Variants in MXI1 observed in about 807,000 individuals in gnomAD.
MXI1 encodes the protein max-interacting protein 1.
MXI1 carries 18 observed loss-of-function variants against 36.9 expected under a neutral mutation model. The observed-to-expected ratio is 0.49, with a 90% CI of 0.34 to 0.72. The LOEUF is 0.72. Ranked by LOEUF, MXI1 falls within the 30% of genes least tolerant of loss-of-function variation. The probability of loss-of-function intolerance (pLI) is 0.01; values close to 1 mark genes in which losing one functional copy is unlikely to be tolerated. For synonymous variants in MXI1, 160 were observed against 146.7 expected, an observed-to-expected ratio of 1.09 and a Z score of -0.65; for missense variants, 304 against 379.1, an observed-to-expected ratio of 0.80 and a Z score of 1.64.
intron 5 of MXI1, among the ~76,000 whole-genome samples, chr10:110,283,264 C>CTTT (rs573643785): frequency 8.3e-5 from 12 of 144,014 alleles, no homozygotes; most frequent in Non-Finnish European, 9.1e-5. Flanking sequence ...CAAGAATCCA[C>CTTT]TTTTTTTTTT....
intron 2 of MXI1, among the ~76,000 whole-genome samples, chr10:110,234,937 GTTATT>G (rs1371615947): frequency 1.3e-5 from 2 of 152,062 alleles, no homozygotes; most frequent in Non-Finnish European, 2.9e-5. Context: ...AGGTGAACTA[GTTATT>G]TTAAATTCTT....
In MXI1 at chr10:110,207,742, G is replaced by C; in HGVS notation, c.-67G>C. The C allele has an allele frequency of 9.4e-7, 1 of 1,061,032 alleles. No homozygotes were observed. The allele number at this position is 1,061,032 out of a possible 1,614,324, so 65.7% of individuals were successfully genotyped here. ...GCTCCAGCCGGCCGGGTCTCCCTGG[G>C]GGCCCGGAGCTCGGCCGGGCCGCGC... On this transcript the variant is annotated 5_prime_UTR_variant, in exon 1 of 6. Transcript: ENST00000332674.
Position 110,228,194 on chromosome 10 carries a change from GAAC to G in MXI1, c.282_284del (p.Glu94_His95delinsAsp). ...TTTTTTCTTGCTTTCTTCAGAGTGT[GAAC>G]ATGGCTACGCCTCTTCATTCCCGTC... On this transcript the variant is annotated inframe_deletion, in exon 2 of 6. Transcript: ENST00000332674. 1 of 1,613,958 alleles carries G rather than the reference GAAC, an allele frequency of 6.2e-7. No individual in the cohort carries two copies. Among genetic ancestry groups the G allele is most frequent in the Non-Finnish European group, 8.5e-7 (1 of 1,179,996 alleles).
At chr10:110,233,117 T>A (rs1275664846) in intron 2 of MXI1, among the ~76,000 whole-genome samples, 1 of 152,184 alleles carries the variant, frequency 6.6e-6, no homozygotes, top group African/African-American at 2.4e-5. Context: ...ATATTTCTTC[T>A]CTTTAGTGTC....
chr10:110,260,709 G>T (rs1856483364), intron 3 of MXI1, among the ~76,000 whole-genome samples: 1 of 151,850 alleles, frequency 6.6e-6, no homozygotes, highest in Admixed American at 6.6e-5. Context: ...ATATATTTGT[G>T]TGTATACTAC....
chr10:110,227,277 T>C (rs1377961814), intron 1 of MXI1: 1 of 607,502 alleles, frequency 1.6e-6, no homozygotes, highest in African/African-American at 7.3e-5. Flanking sequence ...CGTGCGCGTG[T>C]GGGAGGGGCG....
chr10:110,280,653 C>CGT (rs1318074182), intron 5 of MXI1, among the ~76,000 whole-genome samples: 4 of 150,308 alleles, frequency 2.7e-5, no homozygotes, highest in African/African-American at 9.8e-5. Flanking sequence ...GCGCTCCAGC[C>CGT]TGGGCAACAG....
At chr10:110,253,350 G>GT (rs1856169430) in intron 3 of MXI1, among the ~76,000 whole-genome samples, 1 of 151,988 alleles carries the variant, frequency 6.6e-6, no homozygotes, top group Non-Finnish European at 1.5e-5. Flanking sequence ...AGAACAAAAC[G>GT]TAAGAGTAAA....
At chr10:110,223,384 C>G (rs1675430799) in intron 1 of MXI1, among the ~76,000 whole-genome samples, 1 of 152,004 alleles carries the variant, frequency 6.6e-6, no homozygotes, top group Non-Finnish European at 1.5e-5. Context: ...GAGTTTGAGA[C>G]CAGTGTGGCC....
At chr10:110,233,751 TAC>T (rs1287480686) in intron 2 of MXI1, among the ~76,000 whole-genome samples, 1 of 152,128 alleles carries the variant, frequency 6.6e-6, no homozygotes, top group Non-Finnish European at 1.5e-5. Flanking sequence ...TCCCAAGAAT[TAC>T]TTATATGCCT....
chr10:110,275,362 G>C (rs1288013699), intron 3 of MXI1, among the ~76,000 whole-genome samples: 1 of 152,164 alleles, frequency 6.6e-6, no homozygotes, highest in African/African-American at 2.4e-5. Context: ...TGCCTTTCTA[G>C]GTCACTGGTG....
chr10:110,226,128 C>A, intron 1 of MXI1: 2 of 1,294,066 alleles, frequency 1.5e-6, no homozygotes, highest in Non-Finnish European at 2.0e-6. Flanking sequence ...TCCGGAACGG[C>A]GCCCGGCCGT....
chr10:110,218,555 G>T (rs1318061325), intron 1 of MXI1, among the ~76,000 whole-genome samples: 1 of 152,108 alleles, frequency 6.6e-6, no homozygotes, highest in Non-Finnish European at 1.5e-5. Flanking sequence ...CTCTTGCTAG[G>T]GTAGAGAGTG....
chr10:110,234,426 T>G (rs575211380), intron 2 of MXI1, among the ~76,000 whole-genome samples: 1 of 152,254 alleles, frequency 6.6e-6, no homozygotes, highest in South Asian at 2.1e-4. Flanking sequence ...GTTTCCTACA[T>G]TTTAAAACAC....
intron 1 of MXI1, among the ~76,000 whole-genome samples, chr10:110,221,990 T>G (rs913294595): frequency 1.3e-5 from 2 of 152,186 alleles, no homozygotes; most frequent in African/African-American, 2.4e-5. Context: ...TTATCTCGGC[T>G]GCACACAGAC....
intron 3 of MXI1, chr10:110,256,989 T>G (rs1325852630): frequency 6.6e-6 from 1 of 152,204 alleles, no homozygotes; most frequent in African/African-American, 2.4e-5. Context: ...GGAGAAAGAT[T>G]AGTCTCTATT....
intron 3 of MXI1, among the ~76,000 whole-genome samples, chr10:110,246,455 A>G (rs1264590894): frequency 6.6e-6 from 1 of 152,202 alleles, no homozygotes; most frequent in African/African-American, 2.4e-5. Flanking sequence ...GGCTAGCCCA[A>G]CTGCCTCATT....
In MXI1 at chr10:110,286,995, C is replaced by CTA. The variant is rs1262584260; in HGVS notation, c.*2009_*2010insAT. 2 of 152,158 alleles carry CTA rather than the reference C, an allele frequency of 1.3e-5. No individual in the cohort carries two copies. The highest frequency in any genetic ancestry group is 4.8e-5 in the African/African-American group (2 of 41,430). 9.4% of individuals were successfully genotyped at this position (152,158 alleles called of 1,614,324 possible). ...TAATGGCTGAGTCAAGATGTTGTCT[C>CTA]TGTGTTTGCTTACTCTTGATCAAGT... is the stretch of plus-strand genomic sequence containing the variant. On this transcript the variant is annotated 3_prime_UTR_variant, in exon 6 of 6. Coordinates refer to ENST00000332674, the MANE Select transcript of MXI1 (RefSeq NM_130439.3).
chr10:110,264,777 A>G (rs1365008897), intron 3 of MXI1, among the ~76,000 whole-genome samples: 1 of 152,202 alleles, frequency 6.6e-6, no homozygotes, highest in East Asian at 1.9e-4. Context: ...TTATTTTTCT[A>G]GATTTTAACT....
Sources: gnomAD v4.1 joint callset for allele counts (sites outside exome capture counted in the v4.1 genomes callset) on GRCh38, gnomAD v4.1.1 for gene constraint, MANE v1.5 for transcripts, NCBI Gene and HGNC (gene_info 2026-07-23, HGNC 2026-07-21) for gene names.